Variants in PRKD1 observed in about 807,000 individuals in gnomAD.
PRKD1 encodes the protein protein kinase D1.
A neutral mutation model predicts 95.9 loss-of-function variants in PRKD1; 63 were observed. The ratio of observed to expected loss-of-function variants is 0.66; its 90% CI spans 0.54 to 0.81. PRKD1 has a LOEUF of 0.81. Among genes scored for constraint, PRKD1 ranks in the 30% least tolerant of loss-of-function variants. PRKD1 has a pLI of 0.00. For synonymous variants in PRKD1, 425 were observed against 423.1 expected, an observed-to-expected ratio of 1.00 and a Z score of -0.05; for missense variants, 1,048 against 1,165.3, an observed-to-expected ratio of 0.90 and a Z score of 1.47.
chr14:29,631,168 G>T, intron 9 of PRKD1, 147 bp from the exon 10 acceptor site: 1 of 795,162 alleles, frequency 1.3e-6, no homozygotes, highest in Non-Finnish European at 1.9e-6. Flanking sequence ...ACAGAATACT[G>T]CTAAGCAAAA....
intron 1 of PRKD1, among the ~76,000 whole-genome samples, chr14:29,899,464 TGG>T (rs1894245534): frequency 6.6e-6 from 1 of 152,062 alleles, no homozygotes; most frequent in Non-Finnish European, 1.5e-5. Context: ...CTGGTCAACA[TGG>T]TAAAACCCCA....
chr14:29,827,407 T>G (rs938978391), intron 1 of PRKD1, among the ~76,000 whole-genome samples: 1 of 152,062 alleles, frequency 6.6e-6, no homozygotes, highest in Non-Finnish European at 1.5e-5. Flanking sequence ...GACAATTGGA[T>G]GCATACTCTG....
intron 1 of PRKD1, among the ~76,000 whole-genome samples, chr14:29,896,977 T>C (rs901377966): frequency 2.0e-5 from 3 of 151,792 alleles, no homozygotes; most frequent in African/African-American, 7.2e-5. Flanking sequence ...CTTGTATTTA[T>C]CTAATAATAA....
chr14:29,911,199 G>T (rs1165614831), intron 1 of PRKD1, among the ~76,000 whole-genome samples: 2 of 152,134 alleles, frequency 1.3e-5, no homozygotes, highest in African/African-American at 4.8e-5. Flanking sequence ...TCAAGCAGGT[G>T]ATTGAAGTAT....
intron 1 of PRKD1, among the ~76,000 whole-genome samples, chr14:29,845,123 T>C (rs1204493866): frequency 6.6e-5 from 10 of 152,216 alleles, no homozygotes; most frequent in Admixed American, 6.5e-4. Flanking sequence ...AAGACTGTTT[T>C]CTATGTTCTC....
intron 1 of PRKD1, among the ~76,000 whole-genome samples, chr14:29,867,639 G>A (rs572797028): frequency 6.6e-6 from 1 of 152,304 alleles, no homozygotes; most frequent in East Asian, 1.9e-4. Flanking sequence ...TAAGCAGGAC[G>A]GTCATGTGAT....
intron 2 of PRKD1, among the ~76,000 whole-genome samples, chr14:29,716,062 G>T (rs1885592756): frequency 6.6e-6 from 1 of 152,124 alleles, no homozygotes; most frequent in South Asian, 2.1e-4. Flanking sequence ...GCAAATATAA[G>T]GAATTTTTAG....
At position 29,701,557 on chromosome 14, in the gene PRKD1, C is replaced by T. The variant is rs536654589; in HGVS notation, c.403+23979G>A. 1.8e-4 allele frequency among the ~76,000 whole-genome samples: 28 copies of T among 152,240 alleles called. No individual in the cohort carries two copies. In the South Asian group the frequency reaches 5.0e-3, roughly 27 times the overall value. On this transcript the variant is annotated intron_variant, in intron 2 of 17. Transcript: ENST00000331968. Reference sequence around the variant, plus strand: ...TGCAATTCAGTTCATACATGAAAGGCTACATAAATTCTGAATTCCTTACTT... The same window carrying T: ...TGCAATTCAGTTCATACATGAAAGGTTACATAAATTCTGAATTCCTTACTT...
At chr14:29,753,060 T>C (rs1887548683) in intron 1 of PRKD1, among the ~76,000 whole-genome samples, 1 of 129,698 alleles carries the variant, frequency 7.7e-6, no homozygotes, top group South Asian at 2.4e-4. Flanking sequence ...TTTCAAAATA[T>C]AGATAGAAAG....
At chr14:29,839,528 G>A (rs910617945) in intron 1 of PRKD1, among the ~76,000 whole-genome samples, 1 of 152,128 alleles carries the variant, frequency 6.6e-6, no homozygotes, top group African/African-American at 2.4e-5. Flanking sequence ...TGGGGGTCTG[G>A]AGGACGGTGG....
At chr14:29,922,091 G>C (rs1262706478) in intron 1 of PRKD1, among the ~76,000 whole-genome samples, 1 of 151,994 alleles carries the variant, frequency 6.6e-6, no homozygotes, top group Non-Finnish European at 1.5e-5. Flanking sequence ...TACGAGGTCA[G>C]GAGATCGAGA....
At chr14:29,904,684 T>A (rs960800132) in intron 1 of PRKD1, among the ~76,000 whole-genome samples, 3 of 152,204 alleles carry the variant, frequency 2.0e-5, no homozygotes, top group African/African-American at 7.2e-5. Flanking sequence ...CTCCCCTTAC[T>A]GGGCAGGTTC....
chr14:29,677,755 G>A (rs8019393), intron 2 of PRKD1, among the ~76,000 whole-genome samples: 1 of 151,928 alleles, frequency 6.6e-6, no homozygotes, highest in Non-Finnish European at 1.5e-5. Context: ...AGTAGAGATG[G>A]GATTTCACCA....
intron 2 of PRKD1, among the ~76,000 whole-genome samples, chr14:29,693,627 C>CAAAAAA (rs772835816): frequency 2.5e-5 from 2 of 81,520 alleles, no homozygotes; most frequent in African/African-American, 8.5e-5. Context: ...TGACCTCAGT[C>CAAAAAA]AAAAAAAAAA....
At chr14:29,826,792 CATATATAT>C (rs1461222050) in intron 1 of PRKD1, among the ~76,000 whole-genome samples, 1 of 32,722 alleles carries the variant, frequency 3.1e-5, no homozygotes, top group African/African-American at 9.2e-5. Context: ...CATATATACA[CATATATAT>C]ACACATATAT....
intron 1 of PRKD1, among the ~76,000 whole-genome samples, chr14:29,789,245 C>T (rs1889421504): frequency 6.6e-6 from 1 of 152,056 alleles, no homozygotes; most frequent in South Asian, 2.1e-4. Flanking sequence ...CATAGATTTC[C>T]TTTTTTGGGG....
intron 1 of PRKD1, among the ~76,000 whole-genome samples, chr14:29,763,271 T>C (rs980232896): frequency 1.4e-5 from 2 of 146,982 alleles, no homozygotes; most frequent in Middle Eastern, 3.5e-3. Flanking sequence ...CACTCCAACC[T>C]GGGTGACAGA....
At chr14:29,803,826 C>T (rs551740482) in intron 1 of PRKD1, among the ~76,000 whole-genome samples, 44 of 152,304 alleles carry the variant, frequency 2.9e-4, no homozygotes, top group African/African-American at 9.9e-4. Flanking sequence ...ACATCTGCAA[C>T]TGGGTTCATT....
intron 15 of PRKD1, 122 bp downstream of exon 15, chr14:29,598,905 T>C: frequency 4.7e-6 from 4 of 855,510 alleles, no homozygotes; most frequent in Non-Finnish European, 7.4e-6. Context: ...TGAATAAAAA[T>C]GGATAGAAAA....
Sources: gnomAD v4.1 joint callset for allele counts (sites outside exome capture counted in the v4.1 genomes callset) on GRCh38, gnomAD v4.1.1 for gene constraint, MANE v1.5 for transcripts, NCBI Gene and HGNC (gene_info 2026-07-23, HGNC 2026-07-21) for gene names.